The following CLIP3 variants were observed in gnomAD, a reference collection of about 807,000 sequenced individuals.
The protein encoded by CLIP3 is CAP-Gly domain-containing linker protein 3.
CLIP3 carries 15 observed loss-of-function variants against 59.4 expected under a neutral mutation model. The ratio of observed to expected loss-of-function variants is 0.25; its 90% CI spans 0.17 to 0.39. The LOEUF (loss-of-function observed/expected upper bound fraction) is 0.39. CLIP3 is among the 10% of genes least tolerant of loss of function. The pLI, the probability that CLIP3 is intolerant of heterozygous loss-of-function variation, is 1.00. For synonymous variants in CLIP3, 300 were observed against 321.6 expected (o/e 0.93, Z 0.72); for missense variants, 495 against 765.7 (o/e 0.65, Z 4.17).
At position 36,028,969 on chromosome 19, in the gene CLIP3, G is replaced by A. The variant is rs915162727; in HGVS notation, c.167-1698C>T. Among the ~76,000 whole-genome samples, 7 of 147,304 alleles carry A rather than the reference G, an allele frequency of 4.8e-5. No homozygotes were observed. In the South Asian group the frequency reaches 6.4e-4, roughly 14 times the overall value. On this transcript the variant is annotated intron_variant, in intron 2 of 13. Transcript: ENST00000360535. ...CTTCCCAAACCACACTGTCTAAATCGGCACCCGCCCTTCTCCATCTCCTAC... is the reference window on the plus strand; with the variant it reads ...CTTCCCAAACCACACTGTCTAAATCAGCACCCGCCCTTCTCCATCTCCTAC...
In CLIP3 at chr19:36,016,243, TAGGC is replaced by T; in HGVS notation, c.1590-35_1590-32del. 6.2e-7 allele frequency: 1 copy of T among 1,613,712 alleles called. No homozygotes were observed. The highest frequency in any genetic ancestry group is 8.5e-7 in the Non-Finnish European group (1 of 1,179,730). Reference sequence around the variant, plus strand: ...AAGGAGGATGACAGGGTCACGCCCTTAGGCAGGCAGCGGGGACATCTGCACCCAT... The same window carrying T: ...AAGGAGGATGACAGGGTCACGCCCTTAGGCAGCGGGGACATCTGCACCCAT... On this transcript the variant is annotated intron_variant, in intron 13 of 13. Coordinates refer to ENST00000360535, the MANE Select transcript of CLIP3 (RefSeq NM_015526.3). This position sits in a 1 kb window ranked among gnomAD's most constrained non-coding sequence, Gnocchi z 4.1.
chr19:36,016,103 G>T lies in CLIP3; in HGVS notation c.*55C>A. The T allele has an allele frequency of 6.3e-7, 1 of 1,585,954 alleles. No homozygotes were observed. Among genetic ancestry groups the T allele is most frequent in the East Asian group, 2.2e-5 (1 of 44,692 alleles). On this transcript the variant is annotated 3_prime_UTR_variant, in exon 14 of 14. Coordinates refer to ENST00000360535, the MANE Select transcript of CLIP3 (RefSeq NM_015526.3). The surrounding 1 kb of genome is among the most constrained non-coding windows in gnomAD (Gnocchi z 4.1). ...ATCTCAGGGTGACTCAGGGCTCCTC[G>T]GGTGTCAGGAGATGCTAGTGGGGAC...
At chr19:36,024,094 AG>A (rs995548848) in intron 7 of CLIP3, among the ~76,000 whole-genome samples, 8 of 152,198 alleles carry the variant, frequency 5.3e-5, no homozygotes, top group Admixed American at 4.6e-4. Context: ...GGGGAGCCAC[AG>A]GTGCACAGAG....
intron 7 of CLIP3, among the ~76,000 whole-genome samples, chr19:36,024,185 T>TC (rs1969029767): frequency 1.3e-5 from 2 of 152,066 alleles, no homozygotes; most frequent in Non-Finnish European, 2.9e-5. Context: ...ACGGGTTGTT[T>TC]CCCACCCTGG....
chr19:36,029,490 G>T (rs890418101), intron 2 of CLIP3, among the ~76,000 whole-genome samples: 10 of 145,640 alleles, frequency 6.9e-5, no homozygotes, highest in Non-Finnish European at 1.1e-4. Flanking sequence ...TTGCTATGTT[G>T]CCCAGGCTGG....
At position 36,032,631 on chromosome 19, in the gene CLIP3, G is replaced by A. The variant is rs1969297462; in HGVS notation, c.-59+93C>T. 3.1e-6 allele frequency: 1 copy of A among 322,110 alleles called. No homozygotes were observed. Among genetic ancestry groups the A allele is most frequent in the Non-Finnish European group, 5.6e-6 (1 of 177,904 alleles). The allele number at this position is 322,110 out of a possible 1,614,324, so 20.0% of individuals were successfully genotyped here. The stretch of plus-strand genomic sequence containing the variant: ...TTCTCCTCCCGCGTCAGGCCCCTCA[G>A]TCGCGGCTGCCCCCTCCCCGGGTTT... On this transcript the variant is annotated intron_variant, in intron 1 of 13. Coordinates refer to ENST00000360535, the MANE Select transcript of CLIP3 (RefSeq NM_015526.3). The surrounding 1 kb of genome is among the most constrained non-coding windows in gnomAD (Gnocchi z 4.3).
chr19:36,018,600 A>G (rs1295871655), intron 9 of CLIP3, among the ~76,000 whole-genome samples: 1 of 151,868 alleles, frequency 6.6e-6, no homozygotes, highest in Non-Finnish European at 1.5e-5. Flanking sequence ...AAAAAAAAAA[A>G]AAGTAGATCA....
intron 2 of CLIP3, 47 bp from the exon 3 acceptor site, chr19:36,027,318 C>T (rs1251764510): frequency 2.6e-6 from 4 of 1,545,836 alleles, no homozygotes; most frequent in East Asian, 2.3e-5. Flanking sequence ...CTGACCCCCT[C>T]CTTCCAGCCT....
chr19:36,029,344 T>C (rs1055497651), intron 2 of CLIP3, among the ~76,000 whole-genome samples: 4 of 148,634 alleles, frequency 2.7e-5, no homozygotes, highest in African/African-American at 9.9e-5. Context: ...TGGAATGCAA[T>C]AGTATGATCA....
At chr19:36,027,085 G>A (rs1344700484) in intron 3 of CLIP3, 40 bp from the exon 4 acceptor site, 2 of 1,595,454 alleles carry the variant, frequency 1.3e-6, no homozygotes, top group Non-Finnish European at 1.7e-6. Flanking sequence ...ACCCACACAT[G>A]TGGGGAACCG....
intron 9 of CLIP3, among the ~76,000 whole-genome samples, chr19:36,018,526 G>A (rs1338187792): frequency 2.7e-5 from 4 of 149,580 alleles, no homozygotes; most frequent in Non-Finnish European, 4.4e-5. Flanking sequence ...AGGTTGCGGT[G>A]AGCCAAGATC....
At position 36,026,945 on chromosome 19, in the gene CLIP3, C is replaced by A; in HGVS notation, c.400+7G>T. ...GGGCTTATGACTTGGGGGTAGGGGG[C>A]CCTCACCGACTCCGTGGGCCCCAGC... On this transcript the variant is annotated splice_region_variant and intron_variant, in intron 4 of 13. Transcript: ENST00000360535. This position sits in a 1 kb window ranked among gnomAD's most constrained non-coding sequence, Gnocchi z 6.3. The A allele has an allele frequency of 1.3e-6, 2 of 1,533,096 alleles. No homozygotes were observed. Among genetic ancestry groups the A allele is most frequent in the Non-Finnish European group, 8.8e-7 (1 of 1,142,656 alleles). 95.0% of individuals were successfully genotyped at this position (1,533,096 alleles called of 1,614,324 possible).
chr19:36,017,425 C>CG lies in CLIP3; in HGVS notation c.1476dup (p.Gly493ArgfsTer62). 2 of 1,613,648 alleles carry CG rather than the reference C, an allele frequency of 1.2e-6. No homozygotes were observed. Among genetic ancestry groups the CG allele is most frequent in the Non-Finnish European group, 1.7e-6 (2 of 1,180,024 alleles). On this transcript the variant is annotated frameshift_variant, in exon 12 of 14. Coordinates refer to ENST00000360535, the MANE Select transcript of CLIP3 (RefSeq NM_015526.3). LOFTEE classifies it high-confidence loss of function. ...ACTTTTTTGGCTCCAACGCTGTCCC[C>CG]GGGGGAATCAGTGGATCCGCCAATC...
chr19:36,021,125 C>T (rs1315470988), intron 7 of CLIP3, among the ~76,000 whole-genome samples: 4 of 150,526 alleles, frequency 2.7e-5, no homozygotes, highest in Non-Finnish European at 1.5e-5. Flanking sequence ...CGATCCTCCC[C>T]ATCTTGGCCT....
intron 3 of CLIP3, 38 bp downstream of exon 3, chr19:36,027,094 C>A (rs780129655): frequency 6.3e-7 from 1 of 1,592,108 alleles, no homozygotes; most frequent in Non-Finnish European, 8.5e-7. Flanking sequence ...TGTGGGGAAC[C>A]GCATCCCCTC....
chr19:36,020,097 A>G (rs1230516936), intron 7 of CLIP3, among the ~76,000 whole-genome samples: 1 of 151,978 alleles, frequency 6.6e-6, no homozygotes, highest in Non-Finnish European at 1.5e-5. Flanking sequence ...AAAAGAAAGA[A>G]AAAAGGTAAC....
At position 36,026,487 on chromosome 19, in the gene CLIP3, G is replaced by C; in HGVS notation, c.562+99C>G. ...CCTCCAACCTCCCGCTATCTCCTCA[G>C]ATCACCGTCCTCCTTCCCCTCGCAG... On this transcript the variant is annotated intron_variant, in intron 5 of 13. Coordinates refer to ENST00000360535, the MANE Select transcript of CLIP3 (RefSeq NM_015526.3). This position sits in a 1 kb window ranked among gnomAD's most constrained non-coding sequence, Gnocchi z 6.3. 1 of 1,517,188 alleles carries C rather than the reference G, an allele frequency of 6.6e-7. No individual in the cohort carries two copies. The highest frequency in any genetic ancestry group is 1.2e-5 in the South Asian group (1 of 82,514). The allele number at this position is 1,517,188 out of a possible 1,614,324, so 94.0% of individuals were successfully genotyped here.
At chr19:36,027,729 G>A (rs1035841437) in intron 2 of CLIP3, among the ~76,000 whole-genome samples, 10 of 152,194 alleles carry the variant, frequency 6.6e-5, no homozygotes, top group Non-Finnish European at 1.0e-4. Context: ...CAAATACCAT[G>A]CAGTCCACAT....
At chr19:36,025,882 T>C (rs1969090978) in intron 6 of CLIP3, among the ~76,000 whole-genome samples, 1 of 152,244 alleles carries the variant, frequency 6.6e-6, no homozygotes, top group African/African-American at 2.4e-5. Context: ...AATGCTGTTA[T>C]GCACTGCCAT....
Sources: allele counts gnomAD v4.1 joint callset (sites outside exome capture counted in the v4.1 genomes callset), GRCh38; gene constraint gnomAD v4.1.1; non-coding constraint Gnocchi (gnomAD v3.1); transcripts MANE v1.5; gene names NCBI Gene and HGNC (gene_info 2026-07-23, HGNC 2026-07-21).